Variants in CTNNA2 observed in about 807,000 individuals in gnomAD.
The protein encoded by CTNNA2 is catenin alpha 2, also known as catenin alpha-2.
Under a neutral mutation model 101.0 loss-of-function variants are expected in CTNNA2, and 42 were observed. That is an observed-to-expected ratio of 0.42 (90% CI 0.32 to 0.54). The LOEUF is 0.54. Among genes scored for constraint, CTNNA2 ranks in the 20% least tolerant of loss-of-function variants. The probability of loss-of-function intolerance (pLI) is 0.14; values close to 1 mark genes in which losing one functional copy is unlikely to be tolerated. For synonymous variants in CTNNA2, 450 were observed against 456.4 expected (o/e 0.99, Z 0.18); for missense variants, 871 against 1,223.1 (o/e 0.71, Z 4.29).
At chr2:80,531,061 T>C (rs1020670980) in intron 9 of CTNNA2, among the ~76,000 whole-genome samples, 2 of 152,160 alleles carry the variant, frequency 1.3e-5, no homozygotes, top group African/African-American at 2.4e-5. Context: ...AGGCAGGGGT[T>C]ACAGGTTCTG....
chr2:79,639,932 TTG>T (rs60058512), intron 1 of CTNNA2, among the ~76,000 whole-genome samples: 19,951 of 144,618 alleles, frequency 0.14, 1,614 homozygotes, highest in East Asian at 0.36. Context: ...TTAACTATAA[TTG>T]TGTGTGTGTG....
At chr2:80,060,049 A>G (rs892595572) in intron 7 of CTNNA2, among the ~76,000 whole-genome samples, 1 of 152,196 alleles carries the variant, frequency 6.6e-6, no homozygotes, top group African/African-American at 2.4e-5. Context: ...CTAGACCAGG[A>G]TTTCTCGATC....
intron 4 of CTNNA2, among the ~76,000 whole-genome samples, chr2:79,375,369 A>C (rs528199742): frequency 6.6e-6 from 1 of 152,298 alleles, no homozygotes; most frequent in African/African-American, 2.4e-5. Context: ...CGTGCCTGGC[A>C]TGTAGTAGTT....
chr2:80,562,895 T>G (rs1354818118), intron 12 of CTNNA2, among the ~76,000 whole-genome samples: 1 of 152,126 alleles, frequency 6.6e-6, no homozygotes, highest in South Asian at 2.1e-4. Context: ...ATACAAAATT[T>G]TATTCTAACA....
In CTNNA2 at chr2:79,393,413, C is replaced by T. The variant is rs7593314; in HGVS notation, c.-135+19400C>T. The stretch of plus-strand genomic sequence containing the variant: ...TACATAAAGTATGATTCGAACACAG[C>T]CTCACTCATTTGTTTATGTTTTGCC... On this transcript the variant is annotated intron_variant, in intron 4 of 21. Transcript: ENST00000466387. 7.2e-3 allele frequency among the ~76,000 whole-genome samples: 1,092 copies of T among 152,170 alleles called. 13 individuals carry two copies. Among genetic ancestry groups the T allele is most frequent in the African/African-American group, 0.025 (1,039 of 41,516 alleles).
At chr2:79,195,870 G>A (rs1174057525) in intron 1 of CTNNA2, 1 of 506,750 alleles carries the variant, frequency 2.0e-6, no homozygotes. Flanking sequence ...AAATATAAAA[G>A]GTAAATAAGA....
intron 2 of CTNNA2, among the ~76,000 whole-genome samples, chr2:79,216,463 G>T (rs982072912): frequency 3.3e-5 from 5 of 151,716 alleles, no homozygotes; most frequent in Non-Finnish European, 5.9e-5. Flanking sequence ...AGGGATCAGG[G>T]CACAGAGATA....
chr2:79,901,264 C>T (rs944675557), intron 6 of CTNNA2, among the ~76,000 whole-genome samples: 7 of 151,084 alleles, frequency 4.6e-5, no homozygotes, highest in Non-Finnish European at 8.8e-5. Flanking sequence ...TGCATAGAGG[C>T]ATGTTGACAT....
chr2:79,452,190 C>T (rs1283741128), intron 4 of CTNNA2, among the ~76,000 whole-genome samples: 1 of 152,024 alleles, frequency 6.6e-6, no homozygotes, highest in Non-Finnish European at 1.5e-5. Context: ...GAAGTGAATG[C>T]GTAGCTGAGA....
At chr2:80,553,672 TAGC>T (rs1408207198) in intron 11 of CTNNA2, among the ~76,000 whole-genome samples, 1 of 152,178 alleles carries the variant, frequency 6.6e-6, no homozygotes, top group Non-Finnish European at 1.5e-5. Flanking sequence ...ACAAAGAAAA[TAGC>T]AGCCGGATGT....
chr2:80,637,452 G>A (rs1417747472), intron 18 of CTNNA2, among the ~76,000 whole-genome samples: 2 of 151,982 alleles, frequency 1.3e-5, no homozygotes, highest in Admixed American at 1.3e-4. Flanking sequence ...ATGAAAACAT[G>A]CATGTAAGAA....
intron 3 of CTNNA2, among the ~76,000 whole-genome samples, chr2:79,765,013 G>GA (rs57804201): frequency 6.6e-6 from 1 of 152,138 alleles, no homozygotes; most frequent in Non-Finnish European, 1.5e-5. Flanking sequence ...GGTTCAGAGG[G>GA]AAAAAATGGA....
At chr2:79,385,175 A>G (rs989661947) in intron 4 of CTNNA2, among the ~76,000 whole-genome samples, 6 of 152,190 alleles carry the variant, frequency 3.9e-5, no homozygotes, top group Non-Finnish European at 8.8e-5. Context: ...TTGAGTGTCT[A>G]GTGTATTGGG....
intron 4 of CTNNA2, among the ~76,000 whole-genome samples, chr2:79,458,567 A>G (rs921293795): frequency 6.6e-6 from 1 of 152,154 alleles, no homozygotes; most frequent in Non-Finnish European, 1.5e-5. Flanking sequence ...GTGGTTTTCT[A>G]GTTCACCCTA....
chr2:80,073,329 T>A (rs1572998017), intron 7 of CTNNA2, among the ~76,000 whole-genome samples: 1 of 152,080 alleles, frequency 6.6e-6, no homozygotes, highest in South Asian at 2.1e-4. Context: ...GTCCTGAGGG[T>A]AAGCGCAGAG....
At chr2:79,395,939 A>G (rs930120152) in intron 4 of CTNNA2, among the ~76,000 whole-genome samples, 1 of 152,180 alleles carries the variant, frequency 6.6e-6, no homozygotes, top group Non-Finnish European at 1.5e-5. Context: ...AGACTAGCAC[A>G]TAGTACACAC....
chr2:79,864,761 T>C (rs1412484726), intron 4 of CTNNA2, among the ~76,000 whole-genome samples: 1 of 152,124 alleles, frequency 6.6e-6, no homozygotes, highest in Admixed American at 6.5e-5. Context: ...GCAGCATAGC[T>C]CAGAAATTGA....
chr2:80,052,222 G>C (rs1208087558), intron 7 of CTNNA2, among the ~76,000 whole-genome samples: 2 of 152,150 alleles, frequency 1.3e-5, no homozygotes, highest in Non-Finnish European at 2.9e-5. Flanking sequence ...ATTACCTTGT[G>C]TATGAAACAA....
intron 2 of CTNNA2, among the ~76,000 whole-genome samples, chr2:79,252,308 C>T (rs1024517170): frequency 2.7e-5 from 4 of 148,752 alleles, no homozygotes; most frequent in Admixed American, 1.3e-4. Flanking sequence ...TTTTTTCATA[C>T]AGTAGGTATA....
Sources: allele counts gnomAD v4.1 joint callset (sites outside exome capture counted in the v4.1 genomes callset), GRCh38; gene constraint gnomAD v4.1.1; transcripts MANE v1.5; gene names NCBI Gene and HGNC (gene_info 2026-07-23, HGNC 2026-07-21).